The following NME8 variants were observed in gnomAD, a reference collection of about 807,000 sequenced individuals.
NME8 encodes protein NME8.
Under a neutral mutation model 82.3 loss-of-function variants are expected in NME8, and 72 were observed. That is an observed-to-expected ratio of 0.87 (90% CI 0.72 to 1.06). The LOEUF is 1.06. Among genes scored for constraint, NME8 ranks in the 50% least tolerant of loss-of-function variants. The probability of loss-of-function intolerance (pLI) is 0.00; values close to 1 mark genes in which losing one functional copy is unlikely to be tolerated. For missense variants in NME8, 712 were observed against 685.4 expected, an observed-to-expected ratio of 1.04 and a Z score of -0.43; for synonymous variants, 267 against 228.5, an observed-to-expected ratio of 1.17 and a Z score of -1.52.
intron 10 of NME8, 81 bp downstream of exon 10, chr7:37,865,698 A>T (rs1235485231): frequency 1.1e-6 from 1 of 927,318 alleles, no homozygotes; most frequent in Non-Finnish European, 1.8e-6. Flanking sequence ...ATTACAGAAA[A>T]GCAAATTAGT....
At chr7:37,852,603 A>C (rs1439047213) in intron 5 of NME8, among the ~76,000 whole-genome samples, 1 of 152,136 alleles carries the variant, frequency 6.6e-6, no homozygotes, top group African/African-American at 2.4e-5. Flanking sequence ...CATAGTGTGG[A>C]GCCTTTTCAG....
At chr7:37,890,849 T>A (rs1259047521) in intron 15 of NME8, among the ~76,000 whole-genome samples, 3 of 152,014 alleles carry the variant, frequency 2.0e-5, no homozygotes, top group Non-Finnish European at 4.4e-5. Flanking sequence ...AATAAATAGG[T>A]TGATTTTATT....
At chr7:37,872,530 C>T in intron 11 of NME8, among the ~76,000 whole-genome samples, 1 of 152,174 alleles carries the variant, frequency 6.6e-6, no homozygotes, top group Admixed American at 6.5e-5. Context: ...GCTAGGTATA[C>T]ATTTAAAAAG....
At chr7:37,849,377 A>T (rs1357665688) in intron 2 of NME8, among the ~76,000 whole-genome samples, 1 of 152,130 alleles carries the variant, frequency 6.6e-6, no homozygotes, top group Non-Finnish European at 1.5e-5. Flanking sequence ...CAAAACCTTT[A>T]AAAAAACCAG....
intron 11 of NME8, among the ~76,000 whole-genome samples, chr7:37,869,235 C>T (rs3807172): frequency 0.076 from 11,568 of 152,032 alleles, 615 homozygotes; most frequent in Admixed American, 0.17. Flanking sequence ...CCAAGTTGTA[C>T]GCAGGATAAA....
At chr7:37,857,159 G>A (rs952250781) in intron 5 of NME8, 115 bp from the exon 6 acceptor site, 10 of 780,196 alleles carry the variant, frequency 1.3e-5, no homozygotes, top group African/African-American at 1.7e-5. Context: ...AAGGCATACC[G>A]AATGTTGCAG....
chr7:37,850,189 A>G, intron 2 of NME8, 71 bp from the exon 3 acceptor site: 1 of 1,199,682 alleles, frequency 8.3e-7, no homozygotes, highest in Admixed American at 1.7e-5. Flanking sequence ...AAAAGATGTT[A>G]TTTGCATGCA....
chr7:37,875,738 A>T (rs1784837773), intron 11 of NME8, among the ~76,000 whole-genome samples: 1 of 152,276 alleles, frequency 6.6e-6, no homozygotes, highest in South Asian at 2.1e-4. Flanking sequence ...GTAGAAGGCA[A>T]CATTTATGAC....
intron 7 of NME8, 144 bp from the exon 8 acceptor site, chr7:37,863,252 G>A: frequency 1.6e-6 from 1 of 625,484 alleles, no homozygotes; most frequent in Non-Finnish European, 2.8e-6. Flanking sequence ...AGACAGTAAT[G>A]TTAGATAAGT....
intron 5 of NME8, among the ~76,000 whole-genome samples, chr7:37,851,493 C>T (rs929533009): frequency 2.5e-4 from 37 of 147,032 alleles, no homozygotes; most frequent in African/African-American, 8.2e-4. Flanking sequence ...TAACATTTAG[C>T]ATATGAATTA....
chr7:37,877,512 A>G (rs1784874533), intron 12 of NME8, among the ~76,000 whole-genome samples: 1 of 152,234 alleles, frequency 6.6e-6, no homozygotes, highest in Non-Finnish European at 1.5e-5. Context: ...AACACTATTC[A>G]TTCTTTTTTT....
chr7:37,895,639 A>C (rs992108177), intron 16 of NME8, among the ~76,000 whole-genome samples: 1 of 152,132 alleles, frequency 6.6e-6, no homozygotes, highest in Admixed American at 6.6e-5. Context: ...TTTTCTATAC[A>C]GTCATGCTTT....
intron 17 of NME8, among the ~76,000 whole-genome samples, chr7:37,899,220 A>G (rs1785276351): frequency 6.6e-6 from 1 of 152,242 alleles, no homozygotes; most frequent in Non-Finnish European, 1.5e-5. Flanking sequence ...TTCTATAAAG[A>G]TACATGCACG....
chr7:37,879,416 A>C (rs1054674313), intron 12 of NME8, among the ~76,000 whole-genome samples: 3 of 151,884 alleles, frequency 2.0e-5, no homozygotes, highest in African/African-American at 4.8e-5. Context: ...AAAGTGCTGG[A>C]TTTACAGGTG....
At chr7:37,898,936 T>C (rs762354305) in intron 17 of NME8, among the ~76,000 whole-genome samples, 1 of 152,214 alleles carries the variant, frequency 6.6e-6, no homozygotes, top group East Asian at 1.9e-4. Context: ...GGAAGAATGA[T>C]TTCTCAGACA....
Position 37,888,333 on chromosome 7 carries a change from A to G in NME8, c.1304A>G (p.Asp435Gly). 1 of 1,613,416 alleles carries G rather than the reference A, an allele frequency of 6.2e-7. No individual in the cohort carries two copies. Among genetic ancestry groups the G allele is most frequent in the South Asian group, 1.1e-5 (1 of 91,070 alleles). Residue 435 changes from aspartate to glycine, a missense_variant, in exon 15 of 18, where the codon GAT (aspartate) becomes GGT (glycine). By Grantham distance (94) the Asp-to-Gly change is moderately conservative (BLOSUM62 -1). Coordinates refer to ENST00000199447, the MANE Select transcript of NME8 (RefSeq NM_016616.5). ...SLPVNQLYGS[D>G]SLETAEREIQ... ...CCGGTCAACCAGTTGTATGGCAGCGATTCATTAGAAACCGCTGAAAGGGAA... is the reference window on the plus strand; with the variant it reads ...CCGGTCAACCAGTTGTATGGCAGCGGTTCATTAGAAACCGCTGAAAGGGAA...
chr7:37,895,106 T>C (rs1264762494), intron 16 of NME8, among the ~76,000 whole-genome samples: 1 of 152,200 alleles, frequency 6.6e-6, no homozygotes, highest in African/African-American at 2.4e-5. Flanking sequence ...GAACAGTGCA[T>C]GACAGATATT....
At chr7:37,866,507 A>C (rs1784684802) in intron 10 of NME8, among the ~76,000 whole-genome samples, 1 of 152,220 alleles carries the variant, frequency 6.6e-6, no homozygotes, top group African/African-American at 2.4e-5. Context: ...ACTAAATCAG[A>C]AACTGTAGGA....
chr7:37,864,316 G>A (rs1176397324), intron 8 of NME8, 32 bp from the exon 9 acceptor site: 2 of 1,579,056 alleles, frequency 1.3e-6, no homozygotes, highest in Non-Finnish European at 1.7e-6. Flanking sequence ...CCAAGAAAAT[G>A]AAATTCTGTC....
Sources: gnomAD v4.1 joint callset for allele counts (sites outside exome capture counted in the v4.1 genomes callset) on GRCh38, gnomAD v4.1.1 for gene constraint, MANE v1.5 for transcripts, NCBI Gene and HGNC (gene_info 2026-07-23, HGNC 2026-07-21) for gene names.